Variants in CUBN observed in about 807,000 individuals in gnomAD.
The protein encoded by CUBN is cubilin.
Under a neutral mutation model 405.3 loss-of-function variants are expected in CUBN, and 282 were observed. The ratio of observed to expected loss-of-function variants is 0.70; its 90% CI spans 0.63 to 0.77. The LOEUF (loss-of-function observed/expected upper bound fraction) is 0.77. Ranked by LOEUF, CUBN falls within the 30% of genes least tolerant of loss-of-function variation. The pLI is 0.00. For synonymous variants in CUBN, 1,684 were observed against 1,617.0 expected (o/e 1.04, Z -0.99); for missense variants, 4,514 against 4,475.2 (o/e 1.01, Z -0.25).
chr10:16,844,424 C>T (rs564890695), intron 60 of CUBN, among the ~76,000 whole-genome samples: 11 of 152,280 alleles, frequency 7.2e-5, no homozygotes, highest in African/African-American at 2.6e-4. Context: ...GGTGAGAGAA[C>T]AGGAGAAATG....
At chr10:17,029,564 T>C (rs1029409965) in intron 27 of CUBN, among the ~76,000 whole-genome samples, 1 of 152,250 alleles carries the variant, frequency 6.6e-6, no homozygotes, top group Non-Finnish European at 1.5e-5. Flanking sequence ...ATTGAAATGT[T>C]TGGTAAACTC....
intron 59 of CUBN, among the ~76,000 whole-genome samples, chr10:16,851,657 CCTCT>C (rs1407692283): frequency 5.6e-5 from 8 of 144,012 alleles, no homozygotes; most frequent in African/African-American, 7.8e-5. Flanking sequence ...TCCTTCCCTC[CCTCT>C]ATCTTTCCCT....
chr10:16,895,358 CAT>C (rs201870070), intron 54 of CUBN, among the ~76,000 whole-genome samples: 4,723 of 138,702 alleles, frequency 0.034, 253 homozygotes, highest in African/African-American at 0.14. Flanking sequence ...CACACACACA[CAT>C]ATATATACAC....
At chr10:16,901,913 A>C (rs1457910950) in intron 51 of CUBN, among the ~76,000 whole-genome samples, 1 of 130,670 alleles carries the variant, frequency 7.7e-6, no homozygotes, top group South Asian at 2.6e-4. Flanking sequence ...ATATATATAT[A>C]TATATACACA....
At chr10:16,970,011 T>A (rs1843506412) in intron 31 of CUBN, among the ~76,000 whole-genome samples, 1 of 152,204 alleles carries the variant, frequency 6.6e-6, no homozygotes, top group African/African-American at 2.4e-5. Flanking sequence ...CTTAGTTTTC[T>A]TCTTTCTGCT....
In CUBN at chr10:16,831,311, T is replaced by A; in HGVS notation, c.10469A>T (p.Lys3490Met). Reference protein sequence around the residue: ...SQNNELYLRFKSDSVTSDRGY... With the variant: ...SQNNELYLRFMSDSVTSDRGY... ...ACGATCAGAAGTTACACTATCACTCTTAAATCGTAGGTATAGTTCATTATT... is the reference window on the plus strand; with the variant it reads ...ACGATCAGAAGTTACACTATCACTCATAAATCGTAGGTATAGTTCATTATT... Residue 3490 changes from lysine (K) to methionine (M), a missense_variant, in exon 65 of 67, where the codon AAG becomes ATG. Around this residue, in one of 5 missense-constraint regions of CUBN, gnomAD observed 1,186 missense variants for 1,186.9 expected, o/e 1.00. Coordinates refer to ENST00000377833, the MANE Select transcript of CUBN (RefSeq NM_001081.4). 6.2e-7 allele frequency: 1 copy of A among 1,613,980 alleles called. No homozygotes were observed.
At chr10:16,933,360 T>C in intron 39 of CUBN, 76 bp from the exon 40 acceptor site, 1 of 1,342,572 alleles carries the variant, frequency 7.4e-7, no homozygotes, top group East Asian at 2.3e-5. Context: ...CACTTGAAAG[T>C]GACAGCCCTC....
At chr10:16,989,716 T>G (rs1833526579) in intron 29 of CUBN, among the ~76,000 whole-genome samples, 1 of 152,120 alleles carries the variant, frequency 6.6e-6, no homozygotes, top group South Asian at 2.1e-4. Context: ...GCAGAAGTGC[T>G]GGGAAAATTT....
chr10:17,021,646 G>GA (rs1016389785), intron 27 of CUBN, among the ~76,000 whole-genome samples: 5 of 151,904 alleles, frequency 3.3e-5, no homozygotes, highest in Non-Finnish European at 5.9e-5. Context: ...TATTTTCATT[G>GA]AAAAAAAATG....
At chr10:16,850,260 T>C (rs1839647086) in intron 60 of CUBN, among the ~76,000 whole-genome samples, 1 of 152,228 alleles carries the variant, frequency 6.6e-6, no homozygotes, top group African/African-American at 2.4e-5. Flanking sequence ...AATTTGCATG[T>C]GTCATCCCAT....
At chr10:17,054,017 G>A (rs1835329646) in intron 22 of CUBN, among the ~76,000 whole-genome samples, 1 of 152,034 alleles carries the variant, frequency 6.6e-6, no homozygotes, top group Non-Finnish European at 1.5e-5. Flanking sequence ...TGAACTGGAA[G>A]TTACTGAAAA....
At chr10:17,046,136 A>C in intron 23 of CUBN, 42 bp from the exon 24 acceptor site, 1 of 1,533,660 alleles carries the variant, frequency 6.5e-7, no homozygotes, top group Non-Finnish European at 9.0e-7. Flanking sequence ...GTTACTGACA[A>C]TATTACTGTA....
At chr10:16,987,462 T>C (rs1833458880) in intron 29 of CUBN, among the ~76,000 whole-genome samples, 1 of 152,256 alleles carries the variant, frequency 6.6e-6, no homozygotes, top group South Asian at 2.1e-4. Flanking sequence ...TAGCTCCATT[T>C]ATTGTTACAA....
At chr10:17,115,649 C>A (rs200812875) in intron 6 of CUBN, 52 bp from the exon 7 acceptor site, 214 of 1,598,012 alleles carry the variant, frequency 1.3e-4, no homozygotes, top group African/African-American at 6.0e-4. Context: ...GGGGCCAGTG[C>A]CTGTCTCTTA....
At chr10:17,026,898 T>C (rs531346745) in intron 27 of CUBN, among the ~76,000 whole-genome samples, 11 of 152,232 alleles carry the variant, frequency 7.2e-5, no homozygotes, top group African/African-American at 2.4e-4. Context: ...CCTTGCCATG[T>C]GCTGACAGGG....
At chr10:16,954,307 A>G in intron 32 of CUBN, 82 bp downstream of exon 32, 1 of 1,488,236 alleles carries the variant, frequency 6.7e-7, no homozygotes, top group South Asian at 1.1e-5. Context: ...TCAATTTCTG[A>G]GCACAGGTCT....
Position 16,960,776 on chromosome 10 carries a change from G to A in CUBN, c.4696-6228C>T, listed in dbSNP as rs906004441. Among the ~76,000 whole-genome samples the A allele has an allele frequency of 2.6e-5, 4 of 152,140 alleles. No individual in the cohort carries two copies. The South Asian group carries it at 6.2e-4, about 24-fold the overall frequency. ...GGTAAGAGGTTAGTCACAGGGGGAC[G>A]GAGGTCAGCTCGGCTGCTTTCTGGG... On this transcript the variant is annotated intron_variant, in intron 31 of 66. Coordinates refer to ENST00000377833, the MANE Select transcript of CUBN (RefSeq NM_001081.4).
chr10:16,887,687 T>C (rs956922053), intron 56 of CUBN, among the ~76,000 whole-genome samples: 8 of 152,154 alleles, frequency 5.3e-5, no homozygotes, highest in African/African-American at 1.7e-4. Flanking sequence ...ACATTAAAAA[T>C]AGAACTACCA....
rs1841989088 is a variant in CUBN, at chr10:16,920,021, G to A, written c.6763C>T (p.Pro2255Ser). ...AATTGCAGCTGTATGCGTGTTTCCGGTGGAGCCGCTAAGATCCAAATGCAA... is the reference window on the plus strand; with the variant it reads ...AATTGCAGCTGTATGCGTGTTTCCGATGGAGCCGCTAAGATCCAAATGCAA... ...ADCIWILAAP[P>S]ETRIQLQFED... Residue 2255 changes from proline to serine, a missense_variant, in exon 44 of 67, where the codon CCG (proline) becomes TCG (serine). Around this residue, in one of 5 missense-constraint regions of CUBN, gnomAD observed 1,613 missense variants for 1,542.8 expected, o/e 1.05. Transcript: ENST00000377833. 12 of 1,613,960 alleles carry A rather than the reference G, an allele frequency of 7.4e-6. No homozygotes were observed. Among genetic ancestry groups the A allele is most frequent in the Non-Finnish European group, 1.0e-5 (12 of 1,179,984 alleles).
Sources: gnomAD v4.1 joint callset for allele counts (sites outside exome capture counted in the v4.1 genomes callset) on GRCh38, gnomAD v4.1.1 for gene constraint, gnomAD v4.1.1 regional missense constraint, MANE v1.5 for transcripts, NCBI Gene and HGNC (gene_info 2026-07-23, HGNC 2026-07-21) for gene names.